The following ZSWIM5 variants were observed in gnomAD, a reference collection of about 807,000 sequenced individuals.
The protein encoded by ZSWIM5 is zinc finger SWIM-type containing 5, also known as zinc finger SWIM domain-containing protein 5.
ZSWIM5 carries 55 observed loss-of-function variants against 119.6 expected under a neutral mutation model. The ratio of observed to expected loss-of-function variants is 0.46; its 90% confidence interval spans 0.37 to 0.58. The LOEUF is 0.58. ZSWIM5 is among the 20% of genes least tolerant of loss of function. The probability of loss-of-function intolerance (pLI) is 0.00; values close to 1 mark genes in which losing one functional copy is unlikely to be tolerated. For synonymous variants in ZSWIM5, 537 were observed against 606.9 expected, an observed-to-expected ratio of 0.88 and a Z score of 1.69; for missense variants, 1,193 against 1,512.8, an observed-to-expected ratio of 0.79 and a Z score of 3.51.
chr1:45,205,970 G>C lies in ZSWIM5; in HGVS notation c.381C>G (p.Gly127=). 3 of 1,380,356 alleles carry C rather than the reference G, an allele frequency of 2.2e-6. No homozygotes were observed. Among genetic ancestry groups the C allele is most frequent in the South Asian group, 1.8e-5 (1 of 54,834 alleles). 85.5% of individuals were successfully genotyped at this position (1,380,356 alleles called of 1,614,324 possible). A position where few individuals can be genotyped will look rare whatever the true frequency, so the allele number is the denominator to read the frequency against. The change falls in exon 1 of 14, where the codon GGC becomes GGG. Residue 127 remains glycine (G), a synonymous_variant. Coordinates refer to ENST00000359600, the MANE Select transcript of ZSWIM5 (RefSeq NM_020883.2). The part of the protein sequence containing the change: ...YRGGPGAGAA[G]GAAGASPAEE... ...CGGCCGGCGAAGCCCCCGCGGCGCC[G>C]CCAGCAGCGCCGGCGCCGGGGCCGC...
At position 45,202,988 on chromosome 1, in the gene ZSWIM5, A is replaced by G. The variant is rs749233558; in HGVS notation, c.595+2768T>C. ...AAAAATGCAGATGCTGAAAACATTCATATGTTTTCAATAGAGTTCATACTC... is the reference window on the plus strand; with the variant it reads ...AAAAATGCAGATGCTGAAAACATTCGTATGTTTTCAATAGAGTTCATACTC... On this transcript the variant is annotated intron_variant, in intron 1 of 13. Transcript: ENST00000359600. Among the ~76,000 whole-genome samples, 59 of 152,116 alleles carry G rather than the reference A, an allele frequency of 3.9e-4. 1 individual carries two copies. The highest frequency in any genetic ancestry group is 1.3e-3 in the African/African-American group (55 of 41,546).
intron 1 of ZSWIM5, among the ~76,000 whole-genome samples, chr1:45,098,063 G>T (rs1570094977): frequency 6.6e-6 from 1 of 152,104 alleles, no homozygotes; most frequent in Admixed American, 6.6e-5. Flanking sequence ...GCAGAGTAGT[G>T]GTAAAGAAGA....
At chr1:45,122,339 T>G (rs1448993862) in intron 1 of ZSWIM5, among the ~76,000 whole-genome samples, 1 of 152,174 alleles carries the variant, frequency 6.6e-6, no homozygotes, top group East Asian at 1.9e-4. Flanking sequence ...AACAAATGTA[T>G]GCAAAACACT....
chr1:45,125,544 G>A (rs766902007), intron 1 of ZSWIM5, among the ~76,000 whole-genome samples: 10 of 152,104 alleles, frequency 6.6e-5, no homozygotes, highest in African/African-American at 1.2e-4. Flanking sequence ...GGAGGCCAAC[G>A]CAGGGGGAAT....
At chr1:45,141,811 T>C (rs1201724044) in intron 1 of ZSWIM5, among the ~76,000 whole-genome samples, 4 of 152,256 alleles carry the variant, frequency 2.6e-5, no homozygotes, top group Non-Finnish European at 5.9e-5. Context: ...AAGAATATCA[T>C]GTAATAATAA....
At chr1:45,043,434 A>G in intron 5 of ZSWIM5, 39 bp from the exon 6 acceptor site, 1 of 1,602,368 alleles carries the variant, frequency 6.2e-7, no homozygotes, top group Non-Finnish European at 8.5e-7. Context: ...AGTGACAGGC[A>G]ATTTGAAGTT....
intron 1 of ZSWIM5, among the ~76,000 whole-genome samples, chr1:45,092,535 T>TCCCCCCCCCCCCCCCCC (rs1309993220): frequency 8.4e-5 from 4 of 47,564 alleles, no homozygotes; most frequent in African/African-American, 1.6e-4. Flanking sequence ...GACCTCGTGA[T>TCCCCCCCCCCCCCCCCC]CCACCCCCCC....
intron 1 of ZSWIM5, among the ~76,000 whole-genome samples, chr1:45,167,248 G>A (rs1645911581): frequency 6.6e-6 from 1 of 151,756 alleles, no homozygotes; most frequent in South Asian, 2.1e-4. Context: ...AATAAACGGT[G>A]CTGGGAAAAC....
chr1:45,186,506 T>C (rs955244614), intron 1 of ZSWIM5, among the ~76,000 whole-genome samples: 4 of 151,630 alleles, frequency 2.6e-5, no homozygotes, highest in African/African-American at 9.7e-5. Context: ...AGAATGCAGA[T>C]AGCTTCTAGA....
chr1:45,153,460 T>C (rs917570122), intron 1 of ZSWIM5, among the ~76,000 whole-genome samples: 1 of 150,522 alleles, frequency 6.6e-6, no homozygotes, highest in Non-Finnish European at 1.5e-5. Context: ...GAGCCAAAAT[T>C]GTGCCACTGC....
chr1:45,166,921 C>A (rs1264080962), intron 1 of ZSWIM5, among the ~76,000 whole-genome samples: 2 of 151,076 alleles, frequency 1.3e-5, no homozygotes, highest in Admixed American at 6.6e-5. Context: ...GATTCAATGC[C>A]ATCACCATCA....
intron 1 of ZSWIM5, among the ~76,000 whole-genome samples, chr1:45,105,262 C>A (rs910700175): frequency 6.6e-6 from 1 of 152,076 alleles, no homozygotes; most frequent in African/African-American, 2.4e-5. Flanking sequence ...TCAATGTTGC[C>A]CAGGCTGGAG....
chr1:45,167,095 A>G (rs2149043954), intron 1 of ZSWIM5, among the ~76,000 whole-genome samples: 1 of 152,254 alleles, frequency 6.6e-6, no homozygotes, highest in Middle Eastern at 3.4e-3. Flanking sequence ...ACAGTAACCA[A>G]AATAGCATGG....
At chr1:45,050,994 C>T in intron 5 of ZSWIM5, 80 bp downstream of exon 5, 1 of 1,368,820 alleles carries the variant, frequency 7.3e-7, no homozygotes, top group African/African-American at 1.5e-5. Flanking sequence ...AAAGGCTATC[C>T]AGCTACCATT....
chr1:45,036,296 A>T lies in ZSWIM5; in HGVS notation c.1898T>A (p.Met633Lys). 1 of 1,610,300 alleles carries T rather than the reference A, an allele frequency of 6.2e-7. No homozygotes were observed. Among genetic ancestry groups the T allele is most frequent in the Non-Finnish European group, 8.5e-7 (1 of 1,178,138 alleles). The part of the protein sequence containing the change: ...NDDGYLEMSD[M>K]NESRPPVYQH... Reference sequence around the variant, plus strand: ...GTACACAGGGGGTCTGCTTTCATTCATATCTGAGGGCAACAGGGCACCAAA... The same window carrying T: ...GTACACAGGGGGTCTGCTTTCATTCTTATCTGAGGGCAACAGGGCACCAAA... Residue 633 changes from methionine (M) to lysine (K), a missense_variant, in exon 9 of 14, where the codon ATG becomes AAG. Coordinates refer to ENST00000359600, the MANE Select transcript of ZSWIM5 (RefSeq NM_020883.2).
chr1:45,155,672 G>C (rs1187614893), intron 1 of ZSWIM5, among the ~76,000 whole-genome samples: 1 of 152,166 alleles, frequency 6.6e-6, no homozygotes, highest in Non-Finnish European at 1.5e-5. Flanking sequence ...AGAAACTGTA[G>C]TATATACATA....
chr1:45,145,634 G>A (rs1024251002), intron 1 of ZSWIM5, among the ~76,000 whole-genome samples: 2 of 151,990 alleles, frequency 1.3e-5, no homozygotes, highest in African/African-American at 2.4e-5. Context: ...TAATGATGGA[G>A]AACAGATCAG....
chr1:45,103,682 G>C (rs1460221263), intron 1 of ZSWIM5, among the ~76,000 whole-genome samples: 1 of 152,206 alleles, frequency 6.6e-6, no homozygotes, highest in Non-Finnish European at 1.5e-5. Flanking sequence ...ACTGACAAGT[G>C]CTGTGATGCT....
intron 1 of ZSWIM5, among the ~76,000 whole-genome samples, chr1:45,150,941 G>GT (rs1299582849): frequency 9.8e-5 from 15 of 152,308 alleles, no homozygotes; most frequent in Non-Finnish European, 1.5e-4. Flanking sequence ...AGGATTCTCT[G>GT]TAATTCCAGC....
Sources: allele counts gnomAD v4.1 joint callset (sites outside exome capture counted in the v4.1 genomes callset), GRCh38; gene constraint gnomAD v4.1.1; transcripts MANE v1.5; gene names NCBI Gene and HGNC (gene_info 2026-07-23, HGNC 2026-07-21).